Variants in SYNE3 observed in about 807,000 individuals in gnomAD.
SYNE3 encodes spectrin repeat containing nuclear envelope family member 3.
In SYNE3, 100 loss-of-function variants were observed where a neutral mutation model predicts 111.2. The ratio of observed to expected loss-of-function variants is 0.90; its 90% CI spans 0.77 to 1.06. The LOEUF is 1.06. SYNE3 is among the 50% of genes least tolerant of loss of function. The pLI is 0.00. For missense variants in SYNE3, 1,160 were observed against 1,240.3 expected (o/e 0.94, Z 0.97); for synonymous variants, 547 against 533.9 (o/e 1.02, Z -0.34).
intron 1 of SYNE3, among the ~76,000 whole-genome samples, chr14:95,499,183 C>T (rs968971634): frequency 4.6e-5 from 7 of 152,186 alleles, no homozygotes; most frequent in African/African-American, 1.4e-4. Flanking sequence ...ATTCATTTCC[C>T]GGGAAACCTG....
In SYNE3 at chr14:95,446,029, GTCTT is replaced by G; in HGVS notation, c.1508_1511del (p.Lys503ThrfsTer3). The G allele has an allele frequency of 6.2e-7, 1 of 1,614,150 alleles. No homozygotes were observed. Among genetic ancestry groups the G allele is most frequent in the Non-Finnish European group, 8.5e-7 (1 of 1,180,032 alleles). On this transcript the variant is annotated frameshift_variant, in exon 9 of 18. Coordinates refer to ENST00000682763, the MANE Select transcript of SYNE3 (RefSeq NM_152592.6). LOFTEE classifies it high-confidence loss of function. Reference sequence around the variant, plus strand: ...CCTGGCCAAAGATGCCAATCAGGAGGTCTTTCTTCAGCTGCAGCATCGTCAGCAG... The same window carrying G: ...CCTGGCCAAAGATGCCAATCAGGAGGTCTTCAGCTGCAGCATCGTCAGCAG...
rs145746456 is a variant in SYNE3, at chr14:95,463,636, C to T, written c.627+2295G>A. On this transcript the variant is annotated intron_variant, in intron 4 of 17. Transcript: ENST00000682763. The stretch of plus-strand genomic sequence containing the variant: ...TGCCATGAAGCCTGCCCATGCCACA[C>T]GGGCCTTGGCAGGGCTGGATGAGGG... Among the ~76,000 whole-genome samples the T allele has an allele frequency of 3.5e-4, 54 of 152,344 alleles. 1 individual carries two copies. The East Asian group carries it at 0.01, about 28-fold the overall frequency.
At chr14:95,425,965 C>T (rs1453333065) in intron 17 of SYNE3, among the ~76,000 whole-genome samples, 3 of 152,022 alleles carry the variant, frequency 2.0e-5, no homozygotes, top group Non-Finnish European at 4.4e-5. Flanking sequence ...CCCCAGTGCC[C>T]CAGGGCCAAA....
chr14:95,494,521 C>T (rs1176964429), intron 1 of SYNE3, among the ~76,000 whole-genome samples: 1 of 152,110 alleles, frequency 6.6e-6, no homozygotes, highest in African/African-American at 2.4e-5. Context: ...CGGGAGGAGG[C>T]CATACTGGAG....
chr14:95,461,217 C>T (rs1258471598), intron 4 of SYNE3, among the ~76,000 whole-genome samples: 7 of 152,362 alleles, frequency 4.6e-5, no homozygotes, highest in South Asian at 2.1e-4. Flanking sequence ...AAGGGCTGCA[C>T]GAGCAGCTCT....
At chr14:95,480,978 G>GA (rs1317146782) in intron 1 of SYNE3, among the ~76,000 whole-genome samples, 5 of 152,186 alleles carry the variant, frequency 3.3e-5, no homozygotes, top group Admixed American at 2.6e-4. Context: ...GGCGGCCTGG[G>GA]CAGAGCCTCC....
At position 95,475,843 on chromosome 14, in the gene SYNE3, A is replaced by C; in HGVS notation, c.-14-8T>G. 1 of 1,507,240 alleles carries C rather than the reference A, an allele frequency of 6.6e-7. No homozygotes were observed. The highest frequency in any genetic ancestry group is 8.9e-7 in the Non-Finnish European group (1 of 1,129,356). The allele number at this position is 1,507,240 out of a possible 1,614,324, so 93.4% of individuals were successfully genotyped here. On this transcript the variant is annotated splice_polypyrimidine_tract_variant and splice_region_variant and intron_variant, in intron 1 of 17. Coordinates refer to ENST00000682763, the MANE Select transcript of SYNE3 (RefSeq NM_152592.6). ...TCATGGCACCTGCAGGGGCTGAAGA[A>C]AGGGCCACAGATAAGGCCAACAGGC...
chr14:95,444,284 A>C lies in SYNE3; in HGVS notation c.1776+201T>G, dbSNP rs2103925. ...ACAGTTTGTCATTTTGCTGAGCTCA[A>C]GACTCAGTTGTTTGAGGTCAGGAAC... On this transcript the variant is annotated intron_variant, in intron 10 of 17. Coordinates refer to ENST00000682763, the MANE Select transcript of SYNE3 (RefSeq NM_152592.6). 6.3e-4 allele frequency: 390 copies of C among 620,080 alleles called. 4 individuals are homozygous for C. The African/African-American group carries it at 6.5e-3, about 10-fold the overall frequency. 38.4% of individuals were successfully genotyped at this position (620,080 alleles called of 1,614,324 possible).
chr14:95,470,605 C>T lies in SYNE3; in HGVS notation c.145-2638G>A, dbSNP rs1250695838. Reference sequence around the variant, plus strand: ...GGTTGAGGCTGCAGTGAGCCATGATCACACTACTGCACTCAAGCCTGGGCA... The same window carrying T: ...GGTTGAGGCTGCAGTGAGCCATGATTACACTACTGCACTCAAGCCTGGGCA... On this transcript the variant is annotated intron_variant, in intron 2 of 17. Transcript: ENST00000682763. This position sits in a 1 kb window ranked among gnomAD's most constrained non-coding sequence, Gnocchi z 4.2. Among the ~76,000 whole-genome samples the T allele has an allele frequency of 6.6e-6, 1 of 151,940 alleles. No homozygotes were observed. Among genetic ancestry groups the T allele is most frequent in the Non-Finnish European group, 1.5e-5 (1 of 68,008 alleles).
Position 95,492,994 on chromosome 14 carries a change from T to A in SYNE3, c.-14-17159A>T, listed in dbSNP as rs534225012. ...AAAACTGACCTAATCTAATCAACCA[T>A]CTCTGCTTGAATTTCCTTAAAAATA... On this transcript the variant is annotated intron_variant, in intron 1 of 17. Transcript: ENST00000682763. 4.5e-4 allele frequency among the ~76,000 whole-genome samples: 68 copies of A among 152,214 alleles called. 1 individual carries two copies. The highest frequency in any genetic ancestry group is 2.2e-4 in the Non-Finnish European group (15 of 68,026).
intron 1 of SYNE3, among the ~76,000 whole-genome samples, chr14:95,477,443 C>T (rs1450555025): frequency 1.3e-5 from 2 of 152,116 alleles, no homozygotes; most frequent in African/African-American, 4.8e-5. Flanking sequence ...TTAGAATTTA[C>T]TTTACAATTT....
intron 5 of SYNE3, among the ~76,000 whole-genome samples, chr14:95,456,487 A>G (rs1207481350): frequency 6.6e-6 from 1 of 152,160 alleles, no homozygotes; most frequent in Non-Finnish European, 1.5e-5. Flanking sequence ...GTTTTGCAGC[A>G]TCCTTGGCCG....
chr14:95,505,176 C>T (rs1484906456), intron 1 of SYNE3, among the ~76,000 whole-genome samples: 2 of 152,238 alleles, frequency 1.3e-5, no homozygotes, highest in Non-Finnish European at 2.9e-5. Context: ...GGGGTCCTAA[C>T]GTTGCATTCG....
In SYNE3 at chr14:95,466,057, C is replaced by T. The variant is rs372357912; in HGVS notation, c.501G>A (p.Ala167=). The change falls in exon 4 of 18, where the codon GCG becomes GCA. Residue 167 remains alanine (A), a synonymous_variant. Coordinates refer to ENST00000682763, the MANE Select transcript of SYNE3 (RefSeq NM_152592.6). ...CCTCCAGCAGCCGGTCCAGGAGCAC[C>T]GCCTGGTTGTCCACGTTGTGCAGCA... ...QVLLHNVDNQ[A]VLLDRLLEEA... 12 of 1,613,276 alleles carry T rather than the reference C, an allele frequency of 7.4e-6. No homozygotes were observed. The highest frequency in any genetic ancestry group is 6.7e-5 in the East Asian group (3 of 44,866).
chr14:95,409,474 A>G lies in SYNE3; in HGVS notation c.*8352T>C. 2.3e-6 allele frequency: 1 copy of G among 429,474 alleles called. No homozygotes were observed. The highest frequency in any genetic ancestry group is 4.6e-6 in the Non-Finnish European group (1 of 215,326). The allele number at this position is 429,474 out of a possible 1,614,324, so 26.6% of individuals were successfully genotyped here. ...AGCAAGCGTTTCAGAAAGGAAGCCC[A>G]GGATCCTCGGGGGAAACCGAGGTCC... is the stretch of plus-strand genomic sequence containing the variant. On this transcript the variant is annotated 3_prime_UTR_variant, in exon 18 of 18. Coordinates refer to ENST00000682763, the MANE Select transcript of SYNE3 (RefSeq NM_152592.6).
chr14:95,446,546 G>A lies in SYNE3; in HGVS notation c.1450-455C>T, dbSNP rs555435771. Reference sequence around the variant, plus strand: ...TTGATCCTCTACTCAGTGATCCCCCGTCACCAACAACAGTGGACACACCCC... The same window carrying A: ...TTGATCCTCTACTCAGTGATCCCCCATCACCAACAACAGTGGACACACCCC... On this transcript the variant is annotated intron_variant, in intron 8 of 17. Coordinates refer to ENST00000682763, the MANE Select transcript of SYNE3 (RefSeq NM_152592.6). Among the ~76,000 whole-genome samples, 18 of 151,790 alleles carry A rather than the reference G, an allele frequency of 1.2e-4. No individual in the cohort carries two copies. In the South Asian group the frequency reaches 2.9e-3, roughly 25 times the overall value.
intron 4 of SYNE3, among the ~76,000 whole-genome samples, chr14:95,464,643 G>C (rs1278232058): frequency 1.3e-5 from 2 of 152,226 alleles, no homozygotes; most frequent in African/African-American, 4.8e-5. Flanking sequence ...CCAATTCACT[G>C]ACATGAAAAT....
At chr14:95,468,808 T>G (rs114116930) in intron 2 of SYNE3, among the ~76,000 whole-genome samples, 1 of 152,306 alleles carries the variant, frequency 6.6e-6, no homozygotes, top group East Asian at 1.9e-4. Context: ...CTAAGACCAA[T>G]GCATGATGTC....
intron 1 of SYNE3, among the ~76,000 whole-genome samples, chr14:95,494,988 T>C (rs926847863): frequency 2.6e-5 from 4 of 152,008 alleles, no homozygotes; most frequent in Admixed American, 1.3e-4. Context: ...GGCAGGCACC[T>C]GTAATCCCAG....
Sources: allele counts gnomAD v4.1 joint callset (sites outside exome capture counted in the v4.1 genomes callset), GRCh38; gene constraint gnomAD v4.1.1; non-coding constraint Gnocchi (gnomAD v3.1); transcripts MANE v1.5; gene names NCBI Gene and HGNC (gene_info 2026-07-23, HGNC 2026-07-21).